The following ST6GAL2 variants were observed in gnomAD, a reference collection of about 807,000 sequenced individuals.
ST6GAL2 encodes the protein beta-galactoside alpha-2,6-sialyltransferase 2.
In ST6GAL2, 24 loss-of-function variants were observed where a neutral mutation model predicts 37.5. The observed-to-expected ratio is 0.64, with a 90% CI of 0.46 to 0.90. The LOEUF (loss-of-function observed/expected upper bound fraction) is 0.90, where lower values mean the gene tolerates loss of function less well. Ranked by LOEUF, ST6GAL2 falls within the 40% of genes least tolerant of loss-of-function variation. The probability of loss-of-function intolerance (pLI) is 0.00; values close to 1 mark genes in which losing one functional copy is unlikely to be tolerated. For synonymous variants in ST6GAL2, 306 were observed against 295.1 expected (o/e 1.04, Z -0.38); for missense variants, 715 against 712.7 (o/e 1.00, Z -0.04).
Position 106,844,019 on chromosome 2 carries a change from G to A in ST6GAL2, c.-42C>T, listed in dbSNP as rs372146504. On this transcript the variant is annotated 5_prime_UTR_variant, in exon 2 of 6. Transcript: ENST00000409382. ...CAGCACCTTGTGTCTTAATGCAGAT[G>A]GGTGGCAGAATGAACCTGAAAAACA... 5.4e-6 allele frequency: 8 copies of A among 1,481,076 alleles called. No homozygotes were observed. In the African/African-American group the frequency reaches 1.1e-4, roughly 21 times the overall value. The allele number at this position is 1,481,076 out of a possible 1,614,324, so 91.7% of individuals were successfully genotyped here.
At chr2:106,859,219 C>T (rs1334274671) in intron 1 of ST6GAL2, among the ~76,000 whole-genome samples, 4 of 152,130 alleles carry the variant, frequency 2.6e-5, no homozygotes, top group African/African-American at 9.7e-5. Context: ...AGTAAAACTT[C>T]CCTGTTCTCA....
intron 5 of ST6GAL2, among the ~76,000 whole-genome samples, chr2:106,822,211 T>G (rs1214084279): frequency 1.3e-5 from 2 of 152,068 alleles, no homozygotes; most frequent in Non-Finnish European, 2.9e-5. Context: ...ATGGAAGCAG[T>G]CAAATGATCC....
rs185492682 is a variant in ST6GAL2 at position 106,806,591 on chromosome 2, T to C, written c.*87A>G. The C allele has an allele frequency of 6.9e-7, 1 of 1,443,928 alleles. No homozygotes were observed. Among genetic ancestry groups the C allele is most frequent in the East Asian group, 2.3e-5 (1 of 43,816 alleles). 89.4% of individuals were successfully genotyped at this position (1,443,928 alleles called of 1,614,324 possible). On this transcript the variant is annotated 3_prime_UTR_variant, in exon 6 of 6. Coordinates refer to ENST00000409382, the MANE Select transcript of ST6GAL2 (RefSeq NM_001142351.2). ...ACTGTTTAAAGACTCAAAACTACAC[T>C]GTCTAAAATCTATCTTCAAGTATTC...
At chr2:106,823,798 C>T (rs1239348630) in intron 5 of ST6GAL2, among the ~76,000 whole-genome samples, 1 of 152,024 alleles carries the variant, frequency 6.6e-6, no homozygotes, top group Non-Finnish European at 1.5e-5. Flanking sequence ...TCGTGAGGAC[C>T]CACTTACTGG....
At chr2:106,807,631 CTTT>C (rs10665727) in intron 5 of ST6GAL2, among the ~76,000 whole-genome samples, 2 of 139,030 alleles carry the variant, frequency 1.4e-5, no homozygotes, top group Non-Finnish European at 3.1e-5. Context: ...ACATTTTATT[CTTT>C]TTTTTTTTTT....
intron 1 of ST6GAL2, among the ~76,000 whole-genome samples, chr2:106,884,923 A>ATG (rs1421648799): frequency 1.2e-4 from 14 of 116,520 alleles, no homozygotes; most frequent in South Asian, 5.1e-4. Flanking sequence ...ATATATATAT[A>ATG]TATATATATA....
chr2:106,829,883 C>T (rs553433785), intron 5 of ST6GAL2, among the ~76,000 whole-genome samples, 183 bp downstream of exon 5: 2 of 149,936 alleles, frequency 1.3e-5, no homozygotes, highest in Admixed American at 6.7e-5. Context: ...GATGCTCAAT[C>T]GGTTAAATAT....
intron 1 of ST6GAL2, among the ~76,000 whole-genome samples, chr2:106,848,483 A>G (rs568834182): frequency 1.3e-5 from 2 of 152,214 alleles, no homozygotes; most frequent in Non-Finnish European, 2.9e-5. Flanking sequence ...ATGTTTTTTA[A>G]AAACAGAGGC....
intron 1 of ST6GAL2, among the ~76,000 whole-genome samples, chr2:106,852,532 T>A (rs1677411193): frequency 6.6e-6 from 1 of 152,252 alleles, no homozygotes; most frequent in Non-Finnish European, 1.5e-5. Flanking sequence ...TTATTCATTC[T>A]TGTATTCCCA....
chr2:106,861,060 A>G (rs1424092121), intron 1 of ST6GAL2, among the ~76,000 whole-genome samples: 1 of 152,206 alleles, frequency 6.6e-6, no homozygotes, highest in Non-Finnish European at 1.5e-5. Context: ...GATAAAAATT[A>G]AAAGAAGAGT....
Position 106,843,705 on chromosome 2 carries a change from C to T in ST6GAL2, c.273G>A (p.Ala91=), listed in dbSNP as rs1326896379. The change falls in exon 2 of 6, where the codon GCG becomes GCA. Residue 91 remains alanine, a synonymous_variant. Coordinates refer to ENST00000409382, the MANE Select transcript of ST6GAL2 (RefSeq NM_001142351.2). ...CCCATTTCTGCAGGTCTCCAGGCCC[C>T]GCATGAAAGGAACCGGCTGGGTGGG... ...PRAHPAGSFH[A]GPGDLQKWAQ... is the part of the protein sequence containing the mutation. 2 of 1,613,026 alleles carry T rather than the reference C, an allele frequency of 1.2e-6. No homozygotes were observed. The highest frequency in any genetic ancestry group is 1.3e-5 in the African/African-American group (1 of 74,924).
At chr2:106,868,837 G>C (rs1349612942) in intron 1 of ST6GAL2, among the ~76,000 whole-genome samples, 1 of 151,912 alleles carries the variant, frequency 6.6e-6, no homozygotes, top group Non-Finnish European at 1.5e-5. Context: ...TAGACAGCAT[G>C]AATCACGGAG....
intron 1 of ST6GAL2, among the ~76,000 whole-genome samples, chr2:106,869,260 C>A (rs946184270): frequency 1.3e-5 from 2 of 152,128 alleles, no homozygotes; most frequent in African/African-American, 2.4e-5. Context: ...CAAACAGGTA[C>A]AACCAATGGG....
chr2:106,804,841 CAAAA>C lies in ST6GAL2; in HGVS notation c.*1833_*1836del, dbSNP rs10650737. ...TGGGCGACAGAGCGAGAGACTGTCT[CAAAA>C]AAAAAAAAAAAAAAGAAAAGAAAAG... is the stretch of plus-strand genomic sequence containing the variant. On this transcript the variant is annotated 3_prime_UTR_variant, in exon 6 of 6. Coordinates refer to ENST00000409382, the MANE Select transcript of ST6GAL2 (RefSeq NM_001142351.2). 2 of 102,740 alleles carry C rather than the reference CAAAA, an allele frequency of 1.9e-5. No homozygotes were observed. Among genetic ancestry groups the C allele is most frequent in the African/African-American group, 3.9e-5 (1 of 25,890 alleles). 6.4% of individuals were successfully genotyped at this position (102,740 alleles called of 1,614,324 possible).
Position 106,843,027 on chromosome 2 carries a change from A to G in ST6GAL2, c.943+8T>C. 1 of 1,394,884 alleles carries G rather than the reference A, an allele frequency of 7.2e-7. No individual in the cohort carries two copies. The highest frequency in any genetic ancestry group is 9.3e-7 in the Non-Finnish European group (1 of 1,071,386). The allele number at this position is 1,394,884 out of a possible 1,614,324, so 86.4% of individuals were successfully genotyped here. A position where few individuals can be genotyped will look rare whatever the true frequency, so the allele number is the denominator to read the frequency against. On this transcript the variant is annotated splice_region_variant and intron_variant, in intron 2 of 5. Coordinates refer to ENST00000409382, the MANE Select transcript of ST6GAL2 (RefSeq NM_001142351.2). ...ACAGGGCGACCTGGTCCCCCCGCTG[A>G]GACCTACCTATTTCCTCGCCCAAGG...
chr2:106,821,722 G>A (rs1318155500), intron 5 of ST6GAL2, among the ~76,000 whole-genome samples: 2 of 151,728 alleles, frequency 1.3e-5, no homozygotes, highest in African/African-American at 4.8e-5. Flanking sequence ...AGAAAACTAT[G>A]GGCCAATATC....
chr2:106,867,482 C>T (rs1678080619), intron 1 of ST6GAL2, among the ~76,000 whole-genome samples: 1 of 152,210 alleles, frequency 6.6e-6, no homozygotes, highest in African/African-American at 2.4e-5. Context: ...GGACATCTAA[C>T]TCTGTTACCC....
At chr2:106,863,942 G>GCACA (rs1453400890) in intron 1 of ST6GAL2, among the ~76,000 whole-genome samples, 1 of 152,134 alleles carries the variant, frequency 6.6e-6, no homozygotes. Context: ...TGTTTAAAAC[G>GCACA]CAACTACCTG....
intron 5 of ST6GAL2, among the ~76,000 whole-genome samples, chr2:106,810,370 T>C (rs1216901662): frequency 1.3e-5 from 2 of 152,230 alleles, no homozygotes; most frequent in Admixed American, 6.5e-5. Flanking sequence ...GCAGTCCAAA[T>C]TGAAAGCCAA....
Sources: allele counts gnomAD v4.1 joint callset (sites outside exome capture counted in the v4.1 genomes callset), GRCh38; gene constraint gnomAD v4.1.1; transcripts MANE v1.5; gene names NCBI Gene and HGNC (gene_info 2026-07-23, HGNC 2026-07-21).